PPM1H: variants seen among roughly 807,000 people sequenced by gnomAD.
PPM1H encodes the protein protein phosphatase 1H.
Under a neutral mutation model 54.9 loss-of-function variants are expected in PPM1H, and 27 were observed. The observed-to-expected ratio is 0.49, with a 90% confidence interval of 0.36 to 0.68. The LOEUF (loss-of-function observed/expected upper bound fraction) is 0.68. PPM1H is among the 30% of genes least tolerant of loss of function. The probability of loss-of-function intolerance (pLI) is 0.00; values close to 1 mark genes in which losing one functional copy is unlikely to be tolerated. For missense variants in PPM1H, 596 were observed against 667.8 expected, an observed-to-expected ratio of 0.89 and a Z score of 1.19; for synonymous variants, 305 against 270.8, an observed-to-expected ratio of 1.13 and a Z score of -1.24.
intron 3 of PPM1H, among the ~76,000 whole-genome samples, chr12:62,799,608 G>C (rs528625087): frequency 6.6e-6 from 1 of 152,220 alleles, no homozygotes; most frequent in African/African-American, 2.4e-5. Context: ...CCACGACTGA[G>C]TGGGAGTCAA....
At chr12:62,785,923 T>C (rs911184456) in intron 4 of PPM1H, among the ~76,000 whole-genome samples, 1 of 151,302 alleles carries the variant, frequency 6.6e-6, no homozygotes, top group African/African-American at 2.4e-5. Context: ...AAGAACAGTC[T>C]AACATAAAGG....
chr12:62,715,863 AG>A (rs1391433120), intron 6 of PPM1H, among the ~76,000 whole-genome samples: 2 of 152,202 alleles, frequency 1.3e-5, no homozygotes, highest in Non-Finnish European at 2.9e-5. Flanking sequence ...GGACTAGAAA[AG>A]GGACGGCCTC....
rs1868876544 is a variant in PPM1H at position 62,844,396 on chromosome 12, T to C, written c.246-12117A>G. ...AAGGGGGGCGTCTTATCTCTGATGCTGCTTCTTCATTGCTAATCATTTATA... is the reference window on the plus strand; with the variant it reads ...AAGGGGGGCGTCTTATCTCTGATGCCGCTTCTTCATTGCTAATCATTTATA... On this transcript the variant is annotated intron_variant, in intron 1 of 9. Transcript: ENST00000228705. This position sits in a 1 kb window ranked among gnomAD's most constrained non-coding sequence, Gnocchi z 5.2. Among the ~76,000 whole-genome samples the C allele has an allele frequency of 6.6e-6, 1 of 152,246 alleles. No homozygotes were observed. The highest frequency in any genetic ancestry group is 2.4e-5 in the African/African-American group (1 of 41,458).
At chr12:62,823,878 T>C (rs1481789936) in intron 2 of PPM1H, among the ~76,000 whole-genome samples, 2 of 152,120 alleles carry the variant, frequency 1.3e-5, no homozygotes, top group South Asian at 2.1e-4. Context: ...TATTTCAACA[T>C]AGTGTTGGTA....
rs745843860 is a variant in PPM1H at position 62,801,922 on chromosome 12, C to A, written c.650G>T (p.Gly217Val). 1.4e-4 allele frequency: 226 copies of A among 1,613,144 alleles called. 1 individual carries two copies. Among genetic ancestry groups the A allele is most frequent in the Non-Finnish European group, 1.7e-4 (206 of 1,179,596 alleles). The change falls in exon 3 of 10, where the codon GGG becomes GTG. Residue 217 changes from glycine to valine, a missense_variant. Around this residue, in one of 3 missense-constraint regions of PPM1H, gnomAD observed 382 missense variants for 387.1 expected, o/e 0.99. Coordinates refer to ENST00000228705, the MANE Select transcript of PPM1H (RefSeq NM_020700.2). ...TRAASLRGGVGAPGSPSTPPT... is the reference protein window; with the variant it reads ...TRAASLRGGVVAPGSPSTPPT... ...GGGCGTGCTGGGGGAGCCCGGGGCC[C>A]CCACCCCTCCGCGCAGGGAGGCTGC...
chr12:62,650,155 T>TG (rs2075807699), intron 9 of PPM1H, among the ~76,000 whole-genome samples: 1 of 152,218 alleles, frequency 6.6e-6, no homozygotes, highest in African/African-American at 2.4e-5. Flanking sequence ...TAAGAACAAG[T>TG]CCTCTAACAA....
chr12:62,769,164 G>A (rs1378788716), intron 4 of PPM1H, among the ~76,000 whole-genome samples: 1 of 152,190 alleles, frequency 6.6e-6, no homozygotes, highest in Non-Finnish European at 1.5e-5. Flanking sequence ...TTAGCATCAT[G>A]TAATTGTGTA....
intron 2 of PPM1H, among the ~76,000 whole-genome samples, chr12:62,813,236 C>T (rs1398769643): frequency 6.6e-6 from 1 of 152,166 alleles, no homozygotes; most frequent in East Asian, 1.9e-4. Context: ...AAGGAAACGA[C>T]GGTTTTGCCT....
intron 1 of PPM1H, among the ~76,000 whole-genome samples, chr12:62,870,963 G>A (rs776250482): frequency 2.6e-5 from 4 of 152,184 alleles, no homozygotes; most frequent in Middle Eastern, 3.2e-3. Flanking sequence ...ACTGGTGGTG[G>A]GAAGGTAAAA....
intron 7 of PPM1H, among the ~76,000 whole-genome samples, chr12:62,692,542 G>A (rs2076089140): frequency 6.6e-6 from 1 of 152,054 alleles, no homozygotes; most frequent in African/African-American, 2.4e-5. Flanking sequence ...GAGATACAGG[G>A]GTAACAGAAT....
chr12:62,702,993 A>G lies in PPM1H; in HGVS notation c.1074-8994T>C, dbSNP rs920411818. 3.3e-4 allele frequency among the ~76,000 whole-genome samples: 50 copies of G among 152,192 alleles called. 1 individual carries two copies. The highest frequency in any genetic ancestry group is 1.2e-3 in the African/African-American group (49 of 41,456). The stretch of plus-strand genomic sequence containing the variant: ...ATCTGCCTCTTCAACTGGACACTTC[A>G]TAGGATGGTTGCAAGGATTAAGGGC... On this transcript the variant is annotated intron_variant, in intron 6 of 9. Transcript: ENST00000228705.
chr12:62,824,962 A>T (rs1029703100), intron 2 of PPM1H, among the ~76,000 whole-genome samples: 5 of 152,146 alleles, frequency 3.3e-5, no homozygotes, highest in Non-Finnish European at 7.4e-5. Context: ...GAGTGAACAG[A>T]CAACCTACAG....
intron 4 of PPM1H, among the ~76,000 whole-genome samples, chr12:62,785,351 G>C (rs1299657276): frequency 6.6e-6 from 1 of 152,008 alleles, no homozygotes; most frequent in South Asian, 2.1e-4. Context: ...CATTTTTTTT[G>C]TATTTTTAGT....
intron 6 of PPM1H, among the ~76,000 whole-genome samples, chr12:62,713,562 G>A (rs1305966796): frequency 6.6e-6 from 1 of 152,194 alleles, no homozygotes; most frequent in Non-Finnish European, 1.5e-5. Flanking sequence ...ATCAGGAAAG[G>A]GGTGTGAAGC....
chr12:62,855,772 A>T (rs1231972989), intron 1 of PPM1H, among the ~76,000 whole-genome samples: 6 of 152,142 alleles, frequency 3.9e-5, no homozygotes, highest in Non-Finnish European at 8.8e-5. Context: ...ATGTCTGGCA[A>T]TTTTTAATTA....
At chr12:62,682,509 A>ATGCCC (rs2076024554) in intron 8 of PPM1H, among the ~76,000 whole-genome samples, 1 of 152,194 alleles carries the variant, frequency 6.6e-6, no homozygotes, top group African/African-American at 2.4e-5. Context: ...CAAAAAAAGT[A>ATGCCC]GGAATTCTAA....
chr12:62,798,706 C>T lies in PPM1H; in HGVS notation c.756+3110G>A, dbSNP rs187653860. 5.9e-5 allele frequency among the ~76,000 whole-genome samples: 9 copies of T among 152,292 alleles called. No homozygotes were observed. The East Asian group carries it at 1.2e-3, about 20-fold the overall frequency. ...CACTCCAGCCTTCCTCCTCATTCAC[C>T]TGCCATTGCTACATTTAAGATCTAT... is the stretch of plus-strand genomic sequence containing the variant. On this transcript the variant is annotated intron_variant, in intron 3 of 9. Transcript: ENST00000228705.
intron 3 of PPM1H, chr12:62,788,629 C>T (rs917161148): frequency 3.4e-6 from 1 of 293,600 alleles, no homozygotes; most frequent in Non-Finnish European, 6.4e-6. Flanking sequence ...GTAAATATCA[C>T]AGCTTATGGA....
chr12:62,805,796 T>C (rs1468282581), intron 2 of PPM1H, among the ~76,000 whole-genome samples: 1 of 152,220 alleles, frequency 6.6e-6, no homozygotes, highest in Non-Finnish European at 1.5e-5. Context: ...CTTTAGTTAG[T>C]AACACTGTAC....
Sources: gnomAD v4.1 joint callset for allele counts (sites outside exome capture counted in the v4.1 genomes callset) on GRCh38, gnomAD v4.1.1 for gene constraint, gnomAD v4.1.1 regional missense constraint, Gnocchi (gnomAD v3.1) non-coding constraint, MANE v1.5 for transcripts, NCBI Gene and HGNC (gene_info 2026-07-23, HGNC 2026-07-21) for gene names.